Variants in MSRA observed in about 807,000 individuals in gnomAD.
MSRA encodes the protein methionine sulfoxide reductase A, also known as mitochondrial peptide methionine sulfoxide reductase.
In MSRA, 54 loss-of-function variants were observed where a neutral mutation model predicts 31.3. That is an observed-to-expected ratio of 1.73 (90% CI 1.39 to 2.17). The LOEUF is 2.17. Among genes scored for constraint, MSRA ranks in the 30% most tolerant of loss-of-function variants. The probability of loss-of-function intolerance (pLI) is 0.00; values close to 1 mark genes in which losing one functional copy is unlikely to be tolerated. For missense variants in MSRA, 507 were observed against 300.9 expected, an observed-to-expected ratio of 1.69 and a Z score of -5.07; for synonymous variants, 169 against 116.5, an observed-to-expected ratio of 1.45 and a Z score of -2.90.
chr8:10,133,036 T>C (rs1802012444), intron 1 of MSRA, among the ~76,000 whole-genome samples: 1 of 152,138 alleles, frequency 6.6e-6, no homozygotes, highest in African/African-American at 2.4e-5. Flanking sequence ...GTGCCTAGAG[T>C]GCCTTTTAAA....
intron 3 of MSRA, among the ~76,000 whole-genome samples, chr8:10,281,869 C>T (rs894382398): frequency 9.6e-4 from 146 of 152,306 alleles, no homozygotes; most frequent in African/African-American, 3.3e-3. Flanking sequence ...ATAGTGACGG[C>T]TTCTTAGCCA....
chr8:10,274,426 C>T (rs192778122), intron 3 of MSRA, among the ~76,000 whole-genome samples: 16 of 152,254 alleles, frequency 1.1e-4, no homozygotes, highest in Admixed American at 1.0e-3. Context: ...CTCCAAATGT[C>T]ACCATTATCC....
chr8:10,418,479 A>G (rs1283278781), intron 5 of MSRA, among the ~76,000 whole-genome samples: 1 of 152,138 alleles, frequency 6.6e-6, no homozygotes, highest in African/African-American at 2.4e-5. Context: ...CTGGAGGGGC[A>G]GCTCAGTTCA....
chr8:10,195,840 A>T (rs1807923479), intron 1 of MSRA, among the ~76,000 whole-genome samples: 1 of 152,240 alleles, frequency 6.6e-6, no homozygotes, highest in South Asian at 2.1e-4. Flanking sequence ...TCCATCAAGA[A>T]ATAAAGCCAG....
intron 5 of MSRA, among the ~76,000 whole-genome samples, chr8:10,342,503 A>T (rs1477941548): frequency 6.6e-6 from 1 of 152,194 alleles, no homozygotes. Flanking sequence ...AAGATTCTGG[A>T]GTTCCCCGGG....
intron 3 of MSRA, among the ~76,000 whole-genome samples, chr8:10,287,609 G>C (rs567397971): frequency 6.6e-6 from 1 of 152,150 alleles, no homozygotes; most frequent in African/African-American, 2.4e-5. Flanking sequence ...GTTCTCATGC[G>C]TTGGACTTAC....
intron 1 of MSRA, among the ~76,000 whole-genome samples, chr8:10,145,935 G>A (rs1040650225): frequency 6.6e-6 from 1 of 152,212 alleles, no homozygotes; most frequent in Non-Finnish European, 1.5e-5. Flanking sequence ...TTTGGTGTGG[G>A]TGGAGAGGAC....
chr8:10,119,988 G>A (rs929012526), intron 1 of MSRA, among the ~76,000 whole-genome samples: 11 of 152,210 alleles, frequency 7.2e-5, no homozygotes, highest in Admixed American at 5.9e-4. Flanking sequence ...GTATTGAACC[G>A]TGATATAGGA....
intron 1 of MSRA, among the ~76,000 whole-genome samples, chr8:10,063,187 G>T (rs957691145): frequency 1.3e-5 from 2 of 152,094 alleles, no homozygotes; most frequent in Non-Finnish European, 2.9e-5. Context: ...CCCAGAAGCC[G>T]CAGTCAGGGT....
At chr8:10,173,619 C>T (rs1805789311) in intron 1 of MSRA, among the ~76,000 whole-genome samples, 1 of 152,180 alleles carries the variant, frequency 6.6e-6, no homozygotes, top group South Asian at 2.1e-4. Context: ...TCCTTGGGCC[C>T]CATGCCCAGG....
At chr8:10,309,110 C>T (rs754983763) in intron 4 of MSRA, among the ~76,000 whole-genome samples, 3 of 152,242 alleles carry the variant, frequency 2.0e-5, no homozygotes, top group Non-Finnish European at 4.4e-5. Flanking sequence ...GCCCTCACCC[C>T]CATGAACTTC....
chr8:10,310,755 C>T (rs1563336379), intron 4 of MSRA, among the ~76,000 whole-genome samples: 1 of 152,222 alleles, frequency 6.6e-6, no homozygotes, highest in East Asian at 1.9e-4. Flanking sequence ...GGGCTAAAAT[C>T]GAAGCCTGAT....
chr8:10,347,962 C>G (rs1803889269), intron 5 of MSRA, among the ~76,000 whole-genome samples: 2 of 152,214 alleles, frequency 1.3e-5, no homozygotes, highest in African/African-American at 2.4e-5. Context: ...CTGAACTAAG[C>G]TCATTGAAAC....
intron 3 of MSRA, among the ~76,000 whole-genome samples, chr8:10,300,124 T>TTG (rs10682921): frequency 0.31 from 45,603 of 149,486 alleles, 7,473 homozygotes; most frequent in African/African-American, 0.42. Context: ...TGGAAGAAAT[T>TTG]TGTGTGTGTG....
intron 1 of MSRA, among the ~76,000 whole-genome samples, chr8:10,159,963 C>G (rs867277131): frequency 6.6e-6 from 1 of 151,972 alleles, no homozygotes; most frequent in Admixed American, 6.6e-5. Context: ...TTTGGTTTTC[C>G]CCAGGAAGAT....
intron 1 of MSRA, among the ~76,000 whole-genome samples, chr8:10,128,841 G>C (rs1330168057): frequency 2.6e-5 from 4 of 152,200 alleles, no homozygotes; most frequent in African/African-American, 4.8e-5. Flanking sequence ...ACGTTGCAAT[G>C]GACATAGTAG....
At chr8:10,276,997 T>C (rs568731079) in intron 3 of MSRA, among the ~76,000 whole-genome samples, 47 of 152,324 alleles carry the variant, frequency 3.1e-4, no homozygotes, top group African/African-American at 1.1e-3. Flanking sequence ...TAATTGAATG[T>C]GTATTACCAT....
chr8:10,327,907 T>A (rs1428764192), intron 5 of MSRA, among the ~76,000 whole-genome samples: 1 of 152,032 alleles, frequency 6.6e-6, no homozygotes, highest in East Asian at 1.9e-4. Context: ...CACTCCAGCC[T>A]GGGCTCCGTC....
chr8:10,326,877 G>A (rs1246684136), intron 5 of MSRA, among the ~76,000 whole-genome samples: 1 of 152,128 alleles, frequency 6.6e-6, no homozygotes, highest in Non-Finnish European at 1.5e-5. Flanking sequence ...GTAGAGTGAG[G>A]GTGGTTCACG....
Sources: allele counts gnomAD v4.1 joint callset (sites outside exome capture counted in the v4.1 genomes callset), GRCh38; gene constraint gnomAD v4.1.1; transcripts MANE v1.5; gene names NCBI Gene and HGNC (gene_info 2026-07-23, HGNC 2026-07-21).